SEC24B: variants seen among roughly 807,000 people sequenced by gnomAD.
The protein encoded by SEC24B is SEC24 homolog B, COPII component.
A neutral mutation model predicts 142.8 loss-of-function variants in SEC24B; 45 were observed. The ratio of observed to expected loss-of-function variants is 0.32; its 90% CI spans 0.25 to 0.40. The LOEUF is 0.40. SEC24B is among the 10% of genes least tolerant of loss of function. The probability of loss-of-function intolerance (pLI) is 1.00; values close to 1 mark genes in which losing one functional copy is unlikely to be tolerated. For missense variants in SEC24B, 1,409 were observed against 1,526.8 expected, an observed-to-expected ratio of 0.92 and a Z score of 1.29; for synonymous variants, 574 against 568.2, an observed-to-expected ratio of 1.01 and a Z score of -0.15.
chr4:109,472,039 A>G (rs553298976), intron 2 of SEC24B, among the ~76,000 whole-genome samples: 50 of 152,152 alleles, frequency 3.3e-4, no homozygotes, highest in Non-Finnish European at 6.0e-4. Context: ...TATTTAGACT[A>G]CCTTCTTTCC....
chr4:109,502,895 A>AT (rs898217123), intron 6 of SEC24B, among the ~76,000 whole-genome samples: 9 of 151,706 alleles, frequency 5.9e-5, no homozygotes, highest in Non-Finnish European at 1.2e-4. Flanking sequence ...CCCTGTTTAT[A>AT]TTTTTTCACC....
chr4:109,474,282 C>T (rs1732846241), intron 3 of SEC24B, among the ~76,000 whole-genome samples: 1 of 152,132 alleles, frequency 6.6e-6, no homozygotes, highest in African/African-American at 2.4e-5. Flanking sequence ...ATCAAAAAAG[C>T]TTTTAGGATA....
At chr4:109,449,605 C>T (rs1561067134) in intron 1 of SEC24B, 1 of 435,664 alleles carries the variant, frequency 2.3e-6, no homozygotes, top group East Asian at 7.2e-5. Context: ...AATGAGGGCC[C>T]TCTATCCACC....
Position 109,539,765 on chromosome 4 carries a change from AT to A in SEC24B, c.*93del, listed in dbSNP as rs1725991279. ...CGCGTGAGAAATTTGAAATGAAGGCATTTGTTAATACAAGATGCAACGCACA... is the reference window on the plus strand; with the variant it reads ...CGCGTGAGAAATTTGAAATGAAGGCATTGTTAATACAAGATGCAACGCACA... On this transcript the variant is annotated 3_prime_UTR_variant, in exon 24 of 24. Transcript: ENST00000265175. 1.2e-6 allele frequency: 1 copy of A among 810,328 alleles called. No homozygotes were observed. Among genetic ancestry groups the A allele is most frequent in the African/African-American group, 1.7e-5 (1 of 57,610 alleles). 50.2% of individuals were successfully genotyped at this position (810,328 alleles called of 1,614,324 possible).
At chr4:109,506,979 C>G (rs1268641700) in intron 7 of SEC24B, among the ~76,000 whole-genome samples, 2 of 152,002 alleles carry the variant, frequency 1.3e-5, no homozygotes, top group African/African-American at 4.8e-5. Context: ...AGTATGAAGA[C>G]CTTTGACTCC....
chr4:109,513,537 C>A (rs563575867), intron 9 of SEC24B, among the ~76,000 whole-genome samples: 1 of 152,136 alleles, frequency 6.6e-6, no homozygotes, highest in Non-Finnish European at 1.5e-5. Flanking sequence ...CCGCCGCGGC[C>A]GCCCAAAGTG....
At position 109,481,632 on chromosome 4, in the gene SEC24B, T is replaced by A. The variant is rs751172615; in HGVS notation, c.1061-45T>A. 13 of 1,344,862 alleles carry A rather than the reference T, an allele frequency of 9.7e-6. No homozygotes were observed. The Admixed American group carries it at 2.7e-4, about 28-fold the overall frequency. The allele number at this position is 1,344,862 out of a possible 1,614,324, so 83.3% of individuals were successfully genotyped here. On this transcript the variant is annotated intron_variant, in intron 3 of 23. Coordinates refer to ENST00000265175, the MANE Select transcript of SEC24B (RefSeq NM_006323.5). ...CAATGTCAAATTTTTATTTCTCATC[T>A]TTCCTGTTGGTTTGACTCTTATGTT... is the stretch of plus-strand genomic sequence containing the variant.
chr4:109,434,357 C>G (rs1561048158), intron 1 of SEC24B, among the ~76,000 whole-genome samples: 1 of 152,264 alleles, frequency 6.6e-6, no homozygotes, highest in South Asian at 2.1e-4. Flanking sequence ...ACCCAGTTAC[C>G]TAGCCTGGAC....
chr4:109,463,816 C>A (rs1260115182), intron 2 of SEC24B, among the ~76,000 whole-genome samples, 172 bp downstream of exon 2: 2 of 152,170 alleles, frequency 1.3e-5, no homozygotes, highest in Admixed American at 1.3e-4. Flanking sequence ...CTCATCCATT[C>A]CCAATTAGCC....
At chr4:109,464,316 G>A (rs1470078310) in intron 2 of SEC24B, among the ~76,000 whole-genome samples, 1 of 148,416 alleles carries the variant, frequency 6.7e-6, no homozygotes, top group Non-Finnish European at 1.5e-5. Flanking sequence ...TTTTGACACA[G>A]GGTCTCACTT....
intron 5 of SEC24B, among the ~76,000 whole-genome samples, chr4:109,493,535 T>C (rs951469119): frequency 1.3e-5 from 2 of 152,202 alleles, no homozygotes; most frequent in African/African-American, 2.4e-5. Flanking sequence ...CTGTTTTAAA[T>C]TTAAATAAGG....
intron 17 of SEC24B, 73 bp from the exon 18 acceptor site, chr4:109,527,245 GAAAA>G: frequency 1.0e-6 from 1 of 970,938 alleles, no homozygotes; most frequent in Non-Finnish European, 1.6e-6. Context: ...AAGAAAGAAA[GAAAA>G]AAAGTATTTG....
Position 109,530,478 on chromosome 4 carries a change from C to T in SEC24B, c.3252+14C>T, listed in dbSNP as rs1397284287. 3.8e-6 allele frequency: 6 copies of T among 1,597,150 alleles called. No individual in the cohort carries two copies. In the African/African-American group the frequency reaches 6.7e-5, roughly 18 times the overall value. On this transcript the variant is annotated intron_variant, in intron 19 of 23. Transcript: ENST00000265175. Reference sequence around the variant, plus strand: ...CTTCTCAAACAGGTAGCTTTTTATACATTGCTATATTTAATATTGTTTTTT... The same window carrying T: ...CTTCTCAAACAGGTAGCTTTTTATATATTGCTATATTTAATATTGTTTTTT...
chr4:109,489,667 T>A (rs929742206), intron 4 of SEC24B, among the ~76,000 whole-genome samples: 1 of 143,034 alleles, frequency 7.0e-6, no homozygotes, highest in African/African-American at 2.7e-5. Context: ...ATATATGATA[T>A]ATACATGTGA....
intron 4 of SEC24B, among the ~76,000 whole-genome samples, chr4:109,485,768 TAAGTGTCTAATA>T (rs1734290738): frequency 6.6e-6 from 1 of 152,226 alleles, no homozygotes; most frequent in Non-Finnish European, 1.5e-5. Flanking sequence ...GAATTACATG[TAAGTGTCTAATA>T]AAGTAGCGAT....
chr4:109,484,417 A>G (rs1227620507), intron 4 of SEC24B, among the ~76,000 whole-genome samples: 1 of 152,214 alleles, frequency 6.6e-6, no homozygotes, highest in Non-Finnish European at 1.5e-5. Context: ...TTATTTGAAT[A>G]AGGTGGTATC....
intron 1 of SEC24B, among the ~76,000 whole-genome samples, chr4:109,458,530 T>G (rs547147244): frequency 1.3e-5 from 2 of 152,278 alleles, no homozygotes; most frequent in African/African-American, 4.8e-5. Context: ...AAAAATTACC[T>G]ACAGATCTAT....
intron 1 of SEC24B, among the ~76,000 whole-genome samples, chr4:109,448,983 G>T (rs183102540): frequency 6.6e-6 from 1 of 151,166 alleles, no homozygotes; most frequent in Admixed American, 6.6e-5. Flanking sequence ...GTACTGATTG[G>T]GTATTTTGTA....
At chr4:109,490,295 GCCCTGAGTCGGTATA>G (rs1455233025) in intron 4 of SEC24B, among the ~76,000 whole-genome samples, 1 of 150,306 alleles carries the variant, frequency 6.7e-6, no homozygotes, top group African/African-American at 2.5e-5. Flanking sequence ...CAGCTATTAT[GCCCTGAGTCGGTATA>G]CCTGATTCTC....
Sources: allele counts gnomAD v4.1 joint callset (sites outside exome capture counted in the v4.1 genomes callset), GRCh38; gene constraint gnomAD v4.1.1; transcripts MANE v1.5; gene names NCBI Gene and HGNC (gene_info 2026-07-23, HGNC 2026-07-21).